Variants in ITGA1 observed in about 807,000 individuals in gnomAD.
ITGA1 encodes the protein integrin subunit alpha 1.
In ITGA1, 85 loss-of-function variants were observed where a neutral mutation model predicts 145.9. That is an observed-to-expected ratio of 0.58 (90% CI 0.49 to 0.70). The LOEUF (loss-of-function observed/expected upper bound fraction) is 0.70, where lower values mean the gene tolerates loss of function less well. Among genes scored for constraint, ITGA1 ranks in the 30% least tolerant of loss-of-function variants. The probability of loss-of-function intolerance (pLI) is 0.00; values close to 1 mark genes in which losing one functional copy is unlikely to be tolerated. For synonymous variants in ITGA1, 520 were observed against 495.3 expected (o/e 1.05, Z -0.66); for missense variants, 1,351 against 1,418.7 (o/e 0.95, Z 0.77).
intron 20 of ITGA1, 81 bp from the exon 21 acceptor site, chr5:52,929,544 G>C (rs893180877): frequency 1.4e-6 from 1 of 711,574 alleles, no homozygotes; most frequent in African/African-American, 1.8e-5. Context: ...TTGAGTTTAG[G>C]TAATGTCATT....
At position 52,864,763 on chromosome 5, in the gene ITGA1, T is replaced by A. The variant is rs1358119705; in HGVS notation, c.296T>A (p.Val99Asp). The A allele has an allele frequency of 8.8e-6, 14 of 1,596,094 alleles. No homozygotes were observed. The highest frequency in any genetic ancestry group is 1.2e-5 in the Non-Finnish European group (14 of 1,169,282). ...TCATAAAATTTTGTTCTATTTTTAG[T>A]TAATACATCAATTCCCAATGTCACA... is the stretch of plus-strand genomic sequence containing the variant. ...SLPCVKLDLP[V>D]NTSIPNVTEV... The change falls in exon 4 of 29, where the codon GTT (valine) becomes GAT (aspartate). Residue 99 changes from valine (V) to aspartate (D), a missense_variant and splice_region_variant. Transcript: ENST00000282588.
chr5:52,869,619 G>A (rs897020392), intron 6 of ITGA1, among the ~76,000 whole-genome samples: 9 of 152,100 alleles, frequency 5.9e-5, no homozygotes, highest in Non-Finnish European at 1.0e-4. Context: ...TCTTATCTTC[G>A]TCAGTGGCCA....
intron 6 of ITGA1, 49 bp downstream of exon 6, chr5:52,865,866 A>G (rs377242649): frequency 1.4e-6 from 2 of 1,460,100 alleles, no homozygotes; most frequent in Non-Finnish European, 1.8e-6. Context: ...ATAAAAATGC[A>G]CAAATTTTTA....
At chr5:52,888,622 T>C (rs925308538) in intron 8 of ITGA1, among the ~76,000 whole-genome samples, 1 of 152,258 alleles carries the variant, frequency 6.6e-6, no homozygotes, top group Admixed American at 6.5e-5. Context: ...ACCTAAAATG[T>C]AGACATTCTA....
intron 1 of ITGA1, among the ~76,000 whole-genome samples, chr5:52,829,552 A>G (rs929497094): frequency 2.6e-5 from 4 of 152,172 alleles, no homozygotes; most frequent in African/African-American, 9.6e-5. Flanking sequence ...CTGTTTAAAA[A>G]GCACAGTTAG....
rs1405847014 is a variant in ITGA1 at position 52,806,549 on chromosome 5, T to C, written c.61+18135T>C. ...ATGGAGATACCTTCTTCAGTGGCGA[T>C]GATAAAGTCTCATTCATTGTTTTTC... On this transcript the variant is annotated intron_variant, in intron 1 of 28. Coordinates refer to ENST00000282588, the MANE Select transcript of ITGA1 (RefSeq NM_181501.2). 2.6e-5 allele frequency among the ~76,000 whole-genome samples: 4 copies of C among 152,240 alleles called. No individual in the cohort carries two copies. The East Asian group carries it at 7.7e-4, about 29-fold the overall frequency.
chr5:52,843,291 T>A (rs1222910061), intron 1 of ITGA1, among the ~76,000 whole-genome samples: 1 of 152,196 alleles, frequency 6.6e-6, no homozygotes, highest in African/African-American at 2.4e-5. Flanking sequence ...ATTTCTCCTA[T>A]TTCTAAATTG....
rs575043215 is a variant in ITGA1, at chr5:52,912,839, CA to C, written c.1857+2421del. On this transcript the variant is annotated intron_variant, in intron 14 of 28. Transcript: ENST00000282588. ...TCAGCTTACTGCACGCTCCACCTCC[CA>C]GGTTCACACCATTCTCCTGCTTTAG... Among the ~76,000 whole-genome samples the C allele has an allele frequency of 7.6e-4, 116 of 151,654 alleles. 1 individual carries two copies. Among genetic ancestry groups the C allele is most frequent in the Middle Eastern group, 3.4e-3 (1 of 294 alleles).
chr5:52,904,280 A>T (rs1345384471), intron 11 of ITGA1: 1 of 151,328 alleles, frequency 6.6e-6, no homozygotes, highest in Admixed American at 6.6e-5. Context: ...CGAAGCACCC[A>T]AGATACACTG....
At chr5:52,896,177 A>C (rs1008247152) in intron 9 of ITGA1, among the ~76,000 whole-genome samples, 4 of 152,208 alleles carry the variant, frequency 2.6e-5, no homozygotes, top group African/African-American at 9.6e-5. Flanking sequence ...CAAGAAGCCC[A>C]GGAGAATATA....
In ITGA1 at chr5:52,898,263, G is replaced by A; in HGVS notation, c.1189G>A (p.Gly397Arg). The A allele has an allele frequency of 6.2e-7, 1 of 1,602,198 alleles. No homozygotes were observed. The highest frequency in any genetic ancestry group is 8.5e-7 in the Non-Finnish European group (1 of 1,174,212). Residue 397 changes from glycine to arginine, a missense_variant, in exon 11 of 29, where the codon GGA becomes AGA. Gly to Arg is a moderately radical substitution (Grantham distance 125, BLOSUM62 -2). Transcript: ENST00000282588. ...SQDWVMLGAVGAYDWNGTVVM... is the reference protein window; with the variant it reads ...SQDWVMLGAVRAYDWNGTVVM... ...GGACTGGGTCATGCTTGGAGCAGTA[G>A]GAGCCTATGATTGGAATGGAACAGT...
intron 1 of ITGA1, among the ~76,000 whole-genome samples, chr5:52,790,991 A>C (rs182588868): frequency 2.6e-5 from 4 of 152,266 alleles, no homozygotes; most frequent in Admixed American, 2.0e-4. Context: ...ACATCTAAAT[A>C]AACTCTCTAC....
In ITGA1 at chr5:52,887,984, A is replaced by G; in HGVS notation, c.924+19A>G. On this transcript the variant is annotated intron_variant, in intron 8 of 28. Coordinates refer to ENST00000282588, the MANE Select transcript of ITGA1 (RefSeq NM_181501.2). ...CATAGCTGTAAGTGTGTTGCCGGAG[A>G]TATTTTCAAACTCTTAGGTGTAGAG... The G allele has an allele frequency of 1.9e-6, 3 of 1,606,408 alleles. No individual in the cohort carries two copies. In the South Asian group the frequency reaches 3.3e-5, roughly 18 times the overall value.
intron 6 of ITGA1, among the ~76,000 whole-genome samples, chr5:52,877,840 G>C (rs1749891591): frequency 6.6e-6 from 1 of 152,156 alleles, no homozygotes; most frequent in Non-Finnish European, 1.5e-5. Context: ...GGGCTCACCT[G>C]TCCTGCATGA....
At chr5:52,858,278 A>G (rs922637187) in intron 2 of ITGA1, among the ~76,000 whole-genome samples, 3 of 152,214 alleles carry the variant, frequency 2.0e-5, no homozygotes, top group Admixed American at 6.5e-5. Context: ...GACTATGAGA[A>G]CATTCATGAT....
intron 13 of ITGA1, among the ~76,000 whole-genome samples, chr5:52,909,268 A>C (rs1750460678): frequency 6.6e-6 from 1 of 152,092 alleles, no homozygotes; most frequent in African/African-American, 2.4e-5. Context: ...TATGTTTAAC[A>C]ATATATAGGA....
intron 1 of ITGA1, among the ~76,000 whole-genome samples, chr5:52,805,819 C>T (rs369693111): frequency 6.6e-6 from 1 of 152,084 alleles, no homozygotes. Context: ...CCTTTTATTC[C>T]GTGAGGAACC....
chr5:52,949,670 T>G lies in ITGA1; in HGVS notation c.3495+2209T>G, dbSNP rs144705845. ...GGTTTTGTTCAAGAGAGTCATGAAC[T>G]CTCTTAAACACATAATACTGTCTTT... is the stretch of plus-strand genomic sequence containing the variant. On this transcript the variant is annotated intron_variant, in intron 28 of 28. Coordinates refer to ENST00000282588, the MANE Select transcript of ITGA1 (RefSeq NM_181501.2). 4.0e-3 allele frequency among the ~76,000 whole-genome samples: 609 copies of G among 152,220 alleles called. 5 individuals carry two copies. Among genetic ancestry groups the G allele is most frequent in the African/African-American group, 0.014 (570 of 41,544 alleles).
At chr5:52,790,584 C>G (rs566478008) in intron 1 of ITGA1, among the ~76,000 whole-genome samples, 4 of 152,264 alleles carry the variant, frequency 2.6e-5, no homozygotes, top group African/African-American at 9.6e-5. Context: ...CATCTTCAAC[C>G]GAGCAGGGTA....
Sources: gnomAD v4.1 joint callset for allele counts (sites outside exome capture counted in the v4.1 genomes callset) on GRCh38, gnomAD v4.1.1 for gene constraint, MANE v1.5 for transcripts, NCBI Gene and HGNC (gene_info 2026-07-23, HGNC 2026-07-21) for gene names.